Variants in HLA-DRB5 observed in about 807,000 individuals in gnomAD.
HLA-DRB5 encodes the protein major histocompatibility complex, class II, DR beta 5.
HLA-DRB5 carries 11 observed loss-of-function variants against 22.4 expected under a neutral mutation model. The observed-to-expected ratio is 0.49, with a 90% CI of 0.31 to 0.81. The LOEUF is 0.81. Ranked by LOEUF, HLA-DRB5 falls within the 40% of genes least tolerant of loss-of-function variation. HLA-DRB5 has a pLI of 0.05. For missense variants in HLA-DRB5, 106 were observed against 274.4 expected, an observed-to-expected ratio of 0.39 and a Z score of 4.34; for synonymous variants, 57 against 106.0, an observed-to-expected ratio of 0.54 and a Z score of 2.84.
At chr6:32,520,702 C>T (rs114967942) in intron 2 of HLA-DRB5, among the ~76,000 whole-genome samples, 7,129 of 88,596 alleles carry the variant, frequency 0.08, 1,195 homozygotes, top group South Asian at 0.11. Flanking sequence ...AAGGAGAAAC[C>T]TGGAGACAAA....
intron 3 of HLA-DRB5, among the ~76,000 whole-genome samples, chr6:32,518,875 C>T (rs114208862): frequency 0.3 from 10,330 of 34,032 alleles, 3,794 homozygotes; most frequent in Middle Eastern, 0.53. Flanking sequence ...TATTACAGCC[C>T]TGATGTAAGG....
At chr6:32,521,427 G>A (rs114828939) in intron 2 of HLA-DRB5, among the ~76,000 whole-genome samples, 82,276 of 106,434 alleles carry the variant, frequency 0.77, 33,399 homozygotes, top group Middle Eastern at 0.87. Context: ...CAGAGACTGC[G>A]TGAAGGGTGG....
At chr6:32,525,759 T>A (rs72508452) in intron 1 of HLA-DRB5, among the ~76,000 whole-genome samples, 17,556 of 115,296 alleles carry the variant, frequency 0.15, 1,647 homozygotes, top group African/African-American at 0.25. Context: ...AATTGCATAC[T>A]GAAATTCATA....
At chr6:32,524,605 C>CGTGG (rs1201800326) in intron 1 of HLA-DRB5, among the ~76,000 whole-genome samples, 356 of 90,464 alleles carry the variant, frequency 3.9e-3, no homozygotes, top group East Asian at 0.021. Flanking sequence ...GAGACCTTCA[C>CGTGG]AAAGCTCCGT....
At chr6:32,525,317 G>A (rs796509241) in intron 1 of HLA-DRB5, among the ~76,000 whole-genome samples, 4 of 32,278 alleles carry the variant, frequency 1.2e-4, no homozygotes, top group East Asian at 8.3e-4. Flanking sequence ...TTGTAAGTGT[G>A]AAATTTAATA....
At chr6:32,521,491 C>G (rs796954174) in intron 2 of HLA-DRB5, among the ~76,000 whole-genome samples, 1 of 112,854 alleles carries the variant, frequency 8.9e-6, no homozygotes, top group Admixed American at 9.6e-5. Flanking sequence ...ATCTTCCACA[C>G]CCCTCAGCTC....
intron 1 of HLA-DRB5, among the ~76,000 whole-genome samples, chr6:32,524,827 A>G (rs891171692): frequency 2.3e-5 from 2 of 86,408 alleles, no homozygotes; most frequent in African/African-American, 4.7e-5. Flanking sequence ...AAATAAAACC[A>G]GAGGATGCCC....
rs139760267 is a variant in HLA-DRB5, at chr6:32,518,614, A to G, written c.705T>C (p.Phe235=). The change falls in exon 4 of 6, where the codon TTT becomes TTC. Residue 235 remains phenylalanine (F), a synonymous_variant. Coordinates refer to ENST00000374975, the MANE Select transcript of HLA-DRB5 (RefSeq NM_002125.4). ...QSKMLSGVGG[F]VLGLLFLGAG... ...CCCCAAGGAAGAGCAGGCCCAGCAC[A>G]AAGCCCCCGACTCCACTCAGCATCT... is the stretch of plus-strand genomic sequence containing the variant. 0.2 allele frequency: 118,838 copies of G among 585,696 alleles called. 38,973 individuals carry two copies. The highest frequency in any genetic ancestry group is 0.26 in the Admixed American group (4,622 of 17,728). 36.3% of individuals were successfully genotyped at this position (585,696 alleles called of 1,614,324 possible).
At chr6:32,518,894 C>T (rs1242299375) in intron 3 of HLA-DRB5, among the ~76,000 whole-genome samples, 181 of 45,098 alleles carry the variant, frequency 4.0e-3, no homozygotes, top group Admixed American at 4.8e-3. Flanking sequence ...GGCACGGCTT[C>T]AACATCTGAT....
chr6:32,529,281 TAC>T (rs1554269802), intron 1 of HLA-DRB5, among the ~76,000 whole-genome samples: 2 of 94,028 alleles, frequency 2.1e-5, no homozygotes, highest in Non-Finnish European at 4.3e-5. Context: ...ATTTTTGACT[TAC>T]AAAAATAGAA....
chr6:32,521,015 T>C (rs147915056), intron 2 of HLA-DRB5, among the ~76,000 whole-genome samples: 892 of 34,492 alleles, frequency 0.026, 60 homozygotes, highest in Middle Eastern at 0.042. Flanking sequence ...AATTGGGCAA[T>C]AAATAGGTCA....
At chr6:32,524,512 C>A (rs78575018) in intron 1 of HLA-DRB5, among the ~76,000 whole-genome samples, 1 of 74,924 alleles carries the variant, frequency 1.3e-5, no homozygotes, top group Non-Finnish European at 2.9e-5. Context: ...TAGTCAAGTC[C>A]CCTCAGAAAG....
rs771206465 is a variant in HLA-DRB5 at position 32,519,641 on chromosome 6, C to T, written c.381G>A (p.Lys127=). The stretch of plus-strand genomic sequence containing the variant: ...GGGTCCTTGCAGGATACACAGTCAC[C>T]TTAGGCTCAACTAGGAGAAAGGAAA... ...SFTVQRRVEP[K]VTVYPARTQT... is the part of the protein sequence containing the mutation. Residue 127 remains lysine, a synonymous_variant, in exon 3 of 6, where the codon AAG becomes AAA. Coordinates refer to ENST00000374975, the MANE Select transcript of HLA-DRB5 (RefSeq NM_002125.4). 350 of 648,370 alleles carry T rather than the reference C, an allele frequency of 5.4e-4. 16 individuals carry two copies. In the Middle Eastern group the frequency reaches 0.015, roughly 27 times the overall value. 40.2% of individuals were successfully genotyped at this position (648,370 alleles called of 1,614,324 possible). A position where few individuals can be genotyped will look rare whatever the true frequency, so the allele number is the denominator to read the frequency against.
Position 32,517,461 on chromosome 6 carries a change from C to T in HLA-DRB5, c.*278G>A. On this transcript the variant is annotated 3_prime_UTR_variant, in exon 6 of 6. Transcript: ENST00000374975. Reference sequence around the variant, plus strand: ...ATTTAATAACGTAGTGCATTTGTGGCACACAGGGGGAGTACAGATGCATGG... The same window carrying T: ...ATTTAATAACGTAGTGCATTTGTGGTACACAGGGGGAGTACAGATGCATGG... 1 of 86,028 alleles carries T rather than the reference C, an allele frequency of 1.2e-5. No homozygotes were observed. Among genetic ancestry groups the T allele is most frequent in the South Asian group, 1.3e-4 (1 of 7,692 alleles). 5.3% of individuals were successfully genotyped at this position (86,028 alleles called of 1,614,324 possible).
At chr6:32,524,855 C>G (rs1166824344) in intron 1 of HLA-DRB5, among the ~76,000 whole-genome samples, 720 of 64,710 alleles carry the variant, frequency 0.011, 49 homozygotes, top group East Asian at 0.082. Flanking sequence ...TCTGGATTTC[C>G]AATAAATTGT....
intron 1 of HLA-DRB5, among the ~76,000 whole-genome samples, chr6:32,528,222 C>A (rs141622683): frequency 0.32 from 25,389 of 78,926 alleles, 1,568 homozygotes; most frequent in Admixed American, 0.38. Flanking sequence ...ATCCATTTCT[C>A]TCTTTTCCAC....
At chr6:32,520,273 T>C (rs113397282) in intron 2 of HLA-DRB5, among the ~76,000 whole-genome samples, 447 of 39,956 alleles carry the variant, frequency 0.011, no homozygotes, top group Non-Finnish European at 0.012. Flanking sequence ...TGTGGATAGA[T>C]AAAGGGACCG....
chr6:32,525,907 G>T (rs1243796658), intron 1 of HLA-DRB5, among the ~76,000 whole-genome samples: 2 of 41,428 alleles, frequency 4.8e-5, no homozygotes, highest in East Asian at 6.7e-4. Flanking sequence ...TGGGCTGTGT[G>T]AAATACTGGC....
chr6:32,524,438 C>T (rs796741166), intron 1 of HLA-DRB5, among the ~76,000 whole-genome samples: 6,318 of 91,340 alleles, frequency 0.069, no homozygotes, highest in Admixed American at 0.1. Context: ...CAGTCTCCCA[C>T]TCCCAACAAT....
Sources: allele counts gnomAD v4.1 joint callset (sites outside exome capture counted in the v4.1 genomes callset), GRCh38; gene constraint gnomAD v4.1.1; transcripts MANE v1.5; gene names NCBI Gene and HGNC (gene_info 2026-07-23, HGNC 2026-07-21).